Variants in KCNG2 observed in about 807,000 individuals in gnomAD.
KCNG2 encodes the protein voltage-gated potassium channel regulatory subunit KCNG2.
KCNG2 carries 7 observed loss-of-function variants against 12.3 expected under a neutral mutation model. The observed-to-expected ratio is 0.57, with a 90% CI of 0.32 to 1.07. The LOEUF (loss-of-function observed/expected upper bound fraction) is 1.07. Ranked by LOEUF, KCNG2 falls within the 50% of genes least tolerant of loss-of-function variation. KCNG2 has a pLI of 0.04. For synonymous variants in KCNG2, 414 were observed against 351.4 expected, an observed-to-expected ratio of 1.18 and a Z score of -1.99; for missense variants, 703 against 726.0, an observed-to-expected ratio of 0.97 and a Z score of 0.36.
intron 1 of KCNG2, among the ~76,000 whole-genome samples, chr18:79,852,837 C>T (rs902290073): frequency 1.3e-5 from 2 of 152,268 alleles, no homozygotes; most frequent in Non-Finnish European, 2.9e-5. Flanking sequence ...CCTGTGAGGA[C>T]GGGCCTCCTG....
intron 1 of KCNG2, among the ~76,000 whole-genome samples, chr18:79,820,100 C>T (rs1486052636): frequency 2.6e-5 from 4 of 152,182 alleles, no homozygotes; most frequent in East Asian, 1.9e-4. Context: ...TGCAGGGTAC[C>T]CCACACTGTG....
At chr18:79,799,555 C>A (rs1291780371) in intron 1 of KCNG2, among the ~76,000 whole-genome samples, 1 of 152,270 alleles carries the variant, frequency 6.6e-6, no homozygotes, top group African/African-American at 2.4e-5. Flanking sequence ...GTGTCCGCAT[C>A]TTCCCTGGGG....
In KCNG2 at chr18:79,899,486, C is replaced by T. The variant is rs773616178; in HGVS notation, c.1071C>T (p.Pro357=). 1.5e-5 allele frequency: 24 copies of T among 1,607,800 alleles called. No homozygotes were observed. Among genetic ancestry groups the T allele is most frequent in the Middle Eastern group, 1.6e-4 (1 of 6,070 alleles). The change falls in exon 4 of 4, where the codon CCC becomes CCT. Residue 357 remains proline (P), a synonymous_variant. Coordinates refer to ENST00000316249, the MANE Select transcript of KCNG2 (RefSeq NM_012283.2). Reference sequence around the variant, plus strand: ...CGCGCCGCGACTTCTCCAGCGTGCCCGCCAGCTATTGGTGGGCCGTCATCT... The same window carrying T: ...CGCGCCGCGACTTCTCCAGCGTGCCTGCCAGCTATTGGTGGGCCGTCATCT... ...LGARRDFSSV[P]ASYWWAVISM...
chr18:79,885,123 C>T (rs1213925611), intron 3 of KCNG2, among the ~76,000 whole-genome samples: 2 of 152,192 alleles, frequency 1.3e-5, no homozygotes, highest in South Asian at 2.1e-4. Flanking sequence ...CACAGAACAT[C>T]GTGGAGCAGC....
At chr18:79,859,454 C>A (rs928255784) in intron 2 of KCNG2, among the ~76,000 whole-genome samples, 2 of 152,176 alleles carry the variant, frequency 1.3e-5, no homozygotes, top group Non-Finnish European at 2.9e-5. Flanking sequence ...AGAGACCACA[C>A]GGAGATGGAG....
At chr18:79,798,169 G>T (rs540041193) in intron 1 of KCNG2, among the ~76,000 whole-genome samples, 155 bp downstream of exon 1, 1 of 150,784 alleles carries the variant, frequency 6.6e-6, no homozygotes, top group Non-Finnish European at 1.5e-5. Context: ...GCGCGGGAGG[G>T]TCGAAGGGGA....
At chr18:79,854,512 TACA>T in intron 1 of KCNG2, among the ~76,000 whole-genome samples, 2 of 149,496 alleles carry the variant, frequency 1.3e-5, no homozygotes, top group Admixed American at 1.4e-4. Context: ...CAAGTCTTTA[TACA>T]TTGCCTTTCA....
chr18:79,883,343 C>G (rs1484698249), intron 3 of KCNG2, among the ~76,000 whole-genome samples: 1 of 152,176 alleles, frequency 6.6e-6, no homozygotes, highest in East Asian at 1.9e-4. Context: ...AGTGGTGGTT[C>G]CAGGACCGTG....
At chr18:79,879,569 C>T (rs1980213208) in intron 3 of KCNG2, among the ~76,000 whole-genome samples, 1 of 152,150 alleles carries the variant, frequency 6.6e-6, no homozygotes, top group South Asian at 2.1e-4. Flanking sequence ...AGAAGTAGTA[C>T]ACATTTAGGA....
intron 3 of KCNG2, among the ~76,000 whole-genome samples, chr18:79,873,432 C>CCT (rs1395538568): frequency 2.1e-5 from 3 of 144,948 alleles, no homozygotes; most frequent in Non-Finnish European, 4.6e-5. Context: ...CCCCTCCCCC[C>CCT]CCCCCAGCCA....
rs202065839 is a variant in KCNG2 at position 79,899,581 on chromosome 18, G to C, written c.1166G>C (p.Ser389Thr). The change falls in exon 4 of 4, where the codon AGC becomes ACC. Residue 389 changes from serine to threonine, a missense_variant. Coordinates refer to ENST00000316249, the MANE Select transcript of KCNG2 (RefSeq NM_012283.2). ...SLPGQVVALSSILSGILLMAF... is the reference protein window; with the variant it reads ...SLPGQVVALSTILSGILLMAF... ...CCCGGGCAGGTGGTGGCGCTCAGCA[G>C]CATCCTCAGCGGCATCCTGCTCATG... 43 of 1,599,404 alleles carry C rather than the reference G, an allele frequency of 2.7e-5. No individual in the cohort carries two copies. Among genetic ancestry groups the C allele is most frequent in the Non-Finnish European group, 3.7e-5 (43 of 1,172,940 alleles).
At chr18:79,870,313 G>C (rs189574889) in intron 3 of KCNG2, among the ~76,000 whole-genome samples, 1 of 152,222 alleles carries the variant, frequency 6.6e-6, no homozygotes, top group African/African-American at 2.4e-5. Context: ...ACAGTGACAG[G>C]GCTTGATGAT....
chr18:79,866,794 G>A (rs1979591260), intron 3 of KCNG2, among the ~76,000 whole-genome samples: 1 of 146,070 alleles, frequency 6.8e-6, no homozygotes, highest in Non-Finnish European at 1.5e-5. Flanking sequence ...AGAGGTCTAG[G>A]TGCTGAGGTC....
chr18:79,853,153 G>A (rs529413380), intron 1 of KCNG2, among the ~76,000 whole-genome samples: 15 of 152,244 alleles, frequency 9.9e-5, no homozygotes, highest in African/African-American at 2.4e-4. Context: ...TGGGCAAAGC[G>A]GACAGTGGGC....
At chr18:79,820,275 A>G (rs980109115) in intron 1 of KCNG2, among the ~76,000 whole-genome samples, 2 of 152,186 alleles carry the variant, frequency 1.3e-5, no homozygotes, top group African/African-American at 4.8e-5. Flanking sequence ...ATGTCAGCAC[A>G]TGTATCCTGT....
At chr18:79,888,792 G>A (rs8092204) in intron 3 of KCNG2, among the ~76,000 whole-genome samples, 2,623 of 151,850 alleles carry the variant, frequency 0.017, 79 homozygotes, top group African/African-American at 0.06. Flanking sequence ...CTCGTGCCTC[G>A]GCCTCCCGAG....
chr18:79,895,533 G>T (rs1266614816), intron 3 of KCNG2, among the ~76,000 whole-genome samples: 1 of 151,806 alleles, frequency 6.6e-6, no homozygotes, highest in Admixed American at 6.6e-5. Flanking sequence ...GCTTTTGATT[G>T]TTCACTTCAT....
At chr18:79,877,826 T>C (rs969824493) in intron 3 of KCNG2, among the ~76,000 whole-genome samples, 14 of 152,210 alleles carry the variant, frequency 9.2e-5, no homozygotes, top group African/African-American at 3.4e-4. Flanking sequence ...AGCGGAGACC[T>C]CGCCTTCTGA....
intron 2 of KCNG2, among the ~76,000 whole-genome samples, chr18:79,857,885 G>A (rs745632059): frequency 9.2e-5 from 14 of 151,874 alleles, no homozygotes; most frequent in Admixed American, 6.6e-5. Context: ...ACTTTTCATC[G>A]TCCCAAAAGA....
Sources: gnomAD v4.1 joint callset for allele counts (sites outside exome capture counted in the v4.1 genomes callset) on GRCh38, gnomAD v4.1.1 for gene constraint, MANE v1.5 for transcripts, NCBI Gene and HGNC (gene_info 2026-07-23, HGNC 2026-07-21) for gene names.